Variants in FRMPD1 observed in about 807,000 individuals in gnomAD.
The protein encoded by FRMPD1 is FERM and PDZ domain containing 1, also known as FERM and PDZ domain-containing protein 1.
In FRMPD1, 76 loss-of-function variants were observed where a neutral mutation model predicts 117.8. The observed-to-expected ratio is 0.65, with a 90% CI of 0.54 to 0.78. The LOEUF (loss-of-function observed/expected upper bound fraction) is 0.78, where lower values mean the gene tolerates loss of function less well. Among genes scored for constraint, FRMPD1 ranks in the 30% least tolerant of loss-of-function variants. The pLI, the probability that FRMPD1 is intolerant of heterozygous loss-of-function variation, is 0.00. For missense variants in FRMPD1, 1,786 were observed against 1,964.5 expected, an observed-to-expected ratio of 0.91 and a Z score of 1.72; for synonymous variants, 783 against 770.4, an observed-to-expected ratio of 1.02 and a Z score of -0.27.
chr9:37,621,810 C>T, the FRMPD1 span, among the ~76,000 whole-genome samples: 1 of 152,198 alleles, frequency 6.6e-6, no homozygotes, highest in East Asian at 1.9e-4. Context: ...GCAGATGAGA[C>T]AGCTTCTGGA....
At chr9:37,682,158 T>C (rs897905699) in intron 1 of FRMPD1, among the ~76,000 whole-genome samples, 9 of 152,210 alleles carry the variant, frequency 5.9e-5, no homozygotes, top group African/African-American at 2.2e-4. Flanking sequence ...AGAGAATTAC[T>C]TGACAGGAGA....
chr9:37,648,035 C>A (rs145293288), upstream of FRMPD1, among the ~76,000 whole-genome samples: 451 of 152,246 alleles, frequency 3.0e-3, no homozygotes, highest in African/African-American at 0.011. Flanking sequence ...ATCCTCACCG[C>A]ATATAATGAT....
chr9:37,616,427 GT>G, the FRMPD1 span, among the ~76,000 whole-genome samples: 1 of 152,136 alleles, frequency 6.6e-6, no homozygotes, highest in Non-Finnish European at 1.5e-5. Flanking sequence ...CACATCTGTT[GT>G]TTTATTCCAT....
intron 1 of FRMPD1, among the ~76,000 whole-genome samples, chr9:37,655,676 G>C (rs535447238): frequency 1.1e-4 from 17 of 151,738 alleles, no homozygotes; most frequent in African/African-American, 3.9e-4. Flanking sequence ...GCTAATTTTT[G>C]TATTTTTTCG....
At chr9:37,609,808 C>T in the FRMPD1 span, among the ~76,000 whole-genome samples, 1 of 152,196 alleles carries the variant, frequency 6.6e-6, no homozygotes, top group South Asian at 2.1e-4. Flanking sequence ...CCTCAGCCTT[C>T]CTCACTAGCT....
rs542793038 is a variant in FRMPD1 at position 37,658,669 on chromosome 9, C to G, written c.-5+7575C>G. On this transcript the variant is annotated intron_variant, in intron 1 of 15. Coordinates refer to ENST00000377765, the MANE Select transcript of FRMPD1 (RefSeq NM_014907.3). ...TCACTCCAGTCTCTGCCTCCCTGGTCACGTTGCCTCCTCCTGTCTGTTTCA... is the reference window on the plus strand; with the variant it reads ...TCACTCCAGTCTCTGCCTCCCTGGTGACGTTGCCTCCTCCTGTCTGTTTCA... 3.3e-5 allele frequency among the ~76,000 whole-genome samples: 5 copies of G among 152,276 alleles called. No individual in the cohort carries two copies. The South Asian group carries it at 1.0e-3, about 32-fold the overall frequency.
chr9:37,622,926 AAAC>A, the FRMPD1 span, among the ~76,000 whole-genome samples: 1 of 152,222 alleles, frequency 6.6e-6, no homozygotes, highest in Non-Finnish European at 1.5e-5. Flanking sequence ...AGAAAAAAAA[AAAC>A]AAAGAGAGAT....
At chr9:37,620,056 C>T in the FRMPD1 span, among the ~76,000 whole-genome samples, 2 of 152,140 alleles carry the variant, frequency 1.3e-5, no homozygotes, top group Non-Finnish European at 2.9e-5. Flanking sequence ...TACCCTGTAA[C>T]AGAGGGTCAC....
the FRMPD1 span, among the ~76,000 whole-genome samples, chr9:37,645,712 G>A: frequency 1.3e-3 from 193 of 152,304 alleles, 1 homozygote; most frequent in Non-Finnish European, 2.1e-3. Flanking sequence ...GTCTGCTTCT[G>A]TGTCCTAGAA....
intron 4 of FRMPD1, among the ~76,000 whole-genome samples, chr9:37,708,730 G>A (rs1483311894): frequency 6.6e-6 from 1 of 152,160 alleles, no homozygotes; most frequent in Non-Finnish European, 1.5e-5. Context: ...GAGGCACAGA[G>A]TGCTGTATTT....
chr9:37,746,450 G>C lies in FRMPD1; in HGVS notation c.4418G>C (p.Cys1473Ser), dbSNP rs1563969168. The change falls in exon 16 of 16, where the codon TGT becomes TCT. Residue 1473 changes from cysteine (C) to serine (S), a missense_variant. Cys to Ser is a moderately radical substitution (Grantham distance 112). Coordinates refer to ENST00000377765, the MANE Select transcript of FRMPD1 (RefSeq NM_014907.3). ...CMGSQKLLSS[C>S]RHVIRMDQSP... ...GGCTCCCAGAAGCTCCTGTCGAGCT[G>C]TCGGCATGTGATCAGAATGGACCAG... 6.2e-7 allele frequency: 1 copy of C among 1,613,568 alleles called. No individual in the cohort carries two copies. Among genetic ancestry groups the C allele is most frequent in the Non-Finnish European group, 8.5e-7 (1 of 1,180,036 alleles).
At chr9:37,738,752 G>T (rs550587774) in intron 14 of FRMPD1, among the ~76,000 whole-genome samples, 117 of 152,258 alleles carry the variant, frequency 7.7e-4, no homozygotes, top group African/African-American at 2.6e-3. Flanking sequence ...TTGTGGGGGG[G>T]ACTGCTGCTG....
intron 15 of FRMPD1, among the ~76,000 whole-genome samples, chr9:37,741,452 C>CACACAG (rs1824416874): frequency 1.3e-5 from 1 of 76,412 alleles, no homozygotes; most frequent in Non-Finnish European, 2.5e-5. Flanking sequence ...CCTGGCAGGA[C>CACACAG]ACACACACAC....
chr9:37,687,727 G>T (rs917648823), intron 1 of FRMPD1, among the ~76,000 whole-genome samples: 3 of 152,128 alleles, frequency 2.0e-5, no homozygotes, highest in Non-Finnish European at 4.4e-5. Flanking sequence ...ACAAATTGGC[G>T]ACAAGAAGGC....
At chr9:37,727,116 A>G (rs1298837193) in intron 7 of FRMPD1, among the ~76,000 whole-genome samples, 1 of 152,176 alleles carries the variant, frequency 6.6e-6, no homozygotes, top group Non-Finnish European at 1.5e-5. Context: ...GCAGAAGATA[A>G]AGTGGGAGAA....
upstream of FRMPD1, chr9:37,650,925 A>C (rs1430837765): frequency 2.0e-5 from 3 of 149,006 alleles, no homozygotes; most frequent in Non-Finnish European, 4.5e-5. Context: ...CGGCCCGGCC[A>C]ACCCCTCCGG....
chr9:37,708,366 A>G (rs998472334), intron 3 of FRMPD1, 33 bp from the exon 4 acceptor site: 2 of 1,328,364 alleles, frequency 1.5e-6, no homozygotes, highest in Middle Eastern at 2.1e-4. Context: ...TCCTCCCGGC[A>G]TGAGCACCAA....
chr9:37,649,142 AT>A (rs1165904807), upstream of FRMPD1, among the ~76,000 whole-genome samples: 1 of 152,184 alleles, frequency 6.6e-6, no homozygotes, highest in Non-Finnish European at 1.5e-5. Flanking sequence ...GGACAAGAGA[AT>A]AGTTCTTATC....
chr9:37,705,261 T>G (rs1019666774), intron 2 of FRMPD1, among the ~76,000 whole-genome samples: 2 of 152,198 alleles, frequency 1.3e-5, no homozygotes, highest in African/African-American at 4.8e-5. Flanking sequence ...ATTATTCCTC[T>G]TGTCATTTTT....
Sources: gnomAD v4.1 joint callset for allele counts (sites outside exome capture counted in the v4.1 genomes callset) on GRCh38, gnomAD v4.1.1 for gene constraint, MANE v1.5 for transcripts, NCBI Gene and HGNC (gene_info 2026-07-23, HGNC 2026-07-21) for gene names.